AACS: variants seen among roughly 807,000 people sequenced by gnomAD.
AACS encodes the protein acetoacetyl-CoA synthetase, also known as acetoacetate-CoA ligase.
AACS carries 69 observed loss-of-function variants against 83.1 expected under a neutral mutation model. That is an observed-to-expected ratio of 0.83 (90% CI 0.68 to 1.01). The LOEUF is 1.01. AACS is among the 50% of genes least tolerant of loss of function. The pLI, the probability that AACS is intolerant of heterozygous loss-of-function variation, is 0.00. For synonymous variants in AACS, 333 were observed against 343.4 expected (o/e 0.97, Z 0.33); for missense variants, 866 against 882.2 (o/e 0.98, Z 0.23).
Position 125,129,604 on chromosome 12 carries a change from G to A in AACS, c.1549+144G>A. ...CTGCTTATAGTTCATTCCGCCAGTG[G>A]GGGGATAATGAATTTTTGATCAATA... On this transcript the variant is annotated intron_variant, in intron 14 of 17. Coordinates refer to ENST00000316519, the MANE Select transcript of AACS (RefSeq NM_023928.5). The surrounding 1 kb of genome is among the most constrained non-coding windows in gnomAD (Gnocchi z 4.3). The A allele has an allele frequency of 9.3e-7, 1 of 1,073,272 alleles. No individual in the cohort carries two copies. The highest frequency in any genetic ancestry group is 1.3e-6 in the Non-Finnish European group (1 of 756,492). The allele number at this position is 1,073,272 out of a possible 1,614,324, so 66.5% of individuals were successfully genotyped here.
intron 2 of AACS, among the ~76,000 whole-genome samples, chr12:125,076,002 T>G (rs1198484432): frequency 6.6e-6 from 1 of 152,194 alleles, no homozygotes; most frequent in Non-Finnish European, 1.5e-5. Flanking sequence ...AAGTCGAATT[T>G]ATTGTCTCCT....
intron 1 of AACS, among the ~76,000 whole-genome samples, chr12:125,067,899 T>A (rs1339908701): frequency 6.6e-6 from 1 of 152,174 alleles, no homozygotes; most frequent in Non-Finnish European, 1.5e-5. Flanking sequence ...AGTCATTGGA[T>A]CTCTTCATGC....
At chr12:125,075,874 G>A (rs940975182) in intron 2 of AACS, among the ~76,000 whole-genome samples, 1 of 152,228 alleles carries the variant, frequency 6.6e-6, no homozygotes, top group Non-Finnish European at 1.5e-5. Flanking sequence ...TTACAGGCGT[G>A]AGCCACTGCG....
chr12:125,119,466 G>A (rs913568145), intron 10 of AACS, among the ~76,000 whole-genome samples: 1 of 152,208 alleles, frequency 6.6e-6, no homozygotes, highest in Non-Finnish European at 1.5e-5. Flanking sequence ...TAAAGAAAAA[G>A]AGGTTGAATG....
At position 125,130,244 on chromosome 12, in the gene AACS, G is replaced by C. The variant is rs192065027; in HGVS notation, c.1549+784G>C. Reference sequence around the variant, plus strand: ...TTGCCAGGTATCCTTCCTGCCTTGCGTGTTTGCGTTTCACCGTTAAAGCCA... The same window carrying C: ...TTGCCAGGTATCCTTCCTGCCTTGCCTGTTTGCGTTTCACCGTTAAAGCCA... On this transcript the variant is annotated intron_variant, in intron 14 of 17. Transcript: ENST00000316519. The surrounding 1 kb of genome is among the most constrained non-coding windows in gnomAD (Gnocchi z 4.9). 1.3e-5 allele frequency among the ~76,000 whole-genome samples: 2 copies of C among 152,264 alleles called. No homozygotes were observed. The highest frequency in any genetic ancestry group is 1.9e-4 in the East Asian group (1 of 5,202).
chr12:125,103,541 A>G (rs994145145), intron 7 of AACS, among the ~76,000 whole-genome samples: 2 of 78,892 alleles, frequency 2.5e-5, no homozygotes, highest in Non-Finnish European at 7.9e-5. Context: ...GTACATGTGT[A>G]TGTATGGCTA....
In AACS at chr12:125,129,512, C is replaced by T. The variant is rs755060492; in HGVS notation, c.1549+52C>T. On this transcript the variant is annotated intron_variant, in intron 14 of 17. Coordinates refer to ENST00000316519, the MANE Select transcript of AACS (RefSeq NM_023928.5). The surrounding 1 kb of genome is among the most constrained non-coding windows in gnomAD (Gnocchi z 4.3). The stretch of plus-strand genomic sequence containing the variant: ...TGGCCAGCCTCTGCCTTGGCTGGGC[C>T]TTCTGTGTCTAATTCTGTACCATCG... 3.0e-5 allele frequency: 47 copies of T among 1,593,208 alleles called. No homozygotes were observed. Among genetic ancestry groups the T allele is most frequent in the Non-Finnish European group, 4.0e-5 (47 of 1,170,068 alleles).
At position 125,102,412 on chromosome 12, in the gene AACS, A is replaced by T. The variant is rs913207426; in HGVS notation, c.571-267A>T. 1.1e-5 allele frequency: 4 copies of T among 379,212 alleles called. No individual in the cohort carries two copies. In the Admixed American group the frequency reaches 1.1e-4, roughly 11 times the overall value. 23.5% of individuals were successfully genotyped at this position (379,212 alleles called of 1,614,324 possible). A position where few individuals can be genotyped will look rare whatever the true frequency, so the allele number is the denominator to read the frequency against. On this transcript the variant is annotated intron_variant, in intron 5 of 17. Coordinates refer to ENST00000316519, the MANE Select transcript of AACS (RefSeq NM_023928.5). ...ACAGGGACCTGGTCATGCACTGATG[A>T]TGATGCCCTTTCTCTCCCGTGAAAT...
At position 125,129,579 on chromosome 12, in the gene AACS, C is replaced by T. The variant is rs78804268; in HGVS notation, c.1549+119C>T. On this transcript the variant is annotated intron_variant, in intron 14 of 17. Coordinates refer to ENST00000316519, the MANE Select transcript of AACS (RefSeq NM_023928.5). The surrounding 1 kb of genome is among the most constrained non-coding windows in gnomAD (Gnocchi z 4.3). Reference sequence around the variant, plus strand: ...CTTCCCCCACCAGGGCTTGGAGAAGCTGCTTATAGTTCATTCCGCCAGTGG... The same window carrying T: ...CTTCCCCCACCAGGGCTTGGAGAAGTTGCTTATAGTTCATTCCGCCAGTGG... The T allele has an allele frequency of 0.046, 61,542 of 1,325,812 alleles. 1,839 individuals are homozygous for T. Among genetic ancestry groups the T allele is most frequent in the African/African-American group, 0.1 (6,797 of 67,436 alleles). The allele number at this position is 1,325,812 out of a possible 1,614,324, so 82.1% of individuals were successfully genotyped here.
At position 125,136,844 on chromosome 12, in the gene AACS, C is replaced by G; in HGVS notation, c.1861C>G (p.Leu621Val). 1 of 1,613,586 alleles carries G rather than the reference C, an allele frequency of 6.2e-7. No homozygotes were observed. Among genetic ancestry groups the G allele is most frequent in the South Asian group, 1.1e-5 (1 of 91,078 alleles). The change falls in exon 17 of 18, where the codon CTG (leucine) becomes GTG (valine). Residue 621 changes from leucine to valine, a missense_variant. Leu to Val is a conservative substitution (Grantham distance 32). Transcript: ENST00000316519. The part of the protein sequence containing the change: ...LSARHVPSLI[L>V]ETKGIPYTLN... ...TGCGCGACACGTGCCCAGCCTCATC[C>G]TGGAAACCAAGGGCATCCCGGTATG... is the stretch of plus-strand genomic sequence containing the variant.
chr12:125,109,179 T>C (rs1010596805), intron 8 of AACS, among the ~76,000 whole-genome samples: 1 of 152,198 alleles, frequency 6.6e-6, no homozygotes, highest in Admixed American at 6.5e-5. Context: ...TTGTCCAGGC[T>C]GGAGTGCAGT....
chr12:125,103,987 CAAAAAAAAAAAAA>C (rs71092274), intron 7 of AACS, among the ~76,000 whole-genome samples: 1,498 of 41,296 alleles, frequency 0.036, 30 homozygotes, highest in Middle Eastern at 0.15. Flanking sequence ...AACTCCGTCT[CAAAAAAAAAAAAA>C]AAAAAAAAAA....
At chr12:125,137,677 C>T (rs1957419789) in intron 17 of AACS, among the ~76,000 whole-genome samples, 1 of 152,174 alleles carries the variant, frequency 6.6e-6, no homozygotes, top group African/African-American at 2.4e-5. Flanking sequence ...CAAATTGGAT[C>T]ACAGCTTTCA....
rs530310374 is a variant in AACS at position 125,083,934 on chromosome 12, G to A, written c.359-2396G>A. The stretch of plus-strand genomic sequence containing the variant: ...CTCCCAAAGTGCTGGGATTACAGGC[G>A]TGAGCCACCGTGCCCGGCCTAGAAG... On this transcript the variant is annotated intron_variant, in intron 3 of 17. Coordinates refer to ENST00000316519, the MANE Select transcript of AACS (RefSeq NM_023928.5). 1.1e-3 allele frequency among the ~76,000 whole-genome samples: 167 copies of A among 152,232 alleles called. 1 individual carries two copies. Among genetic ancestry groups the A allele is most frequent in the African/African-American group, 3.8e-3 (158 of 41,542 alleles).
intron 5 of AACS, among the ~76,000 whole-genome samples, chr12:125,098,601 G>A (rs144471058): frequency 0.024 from 3,645 of 152,072 alleles, 150 homozygotes; most frequent in African/African-American, 0.082. Flanking sequence ...ACAGGCGTGC[G>A]CCACCACGCC....
intron 1 of AACS, among the ~76,000 whole-genome samples, chr12:125,067,824 G>A (rs1955747107): frequency 6.6e-6 from 1 of 152,158 alleles, no homozygotes; most frequent in African/African-American, 2.4e-5. Context: ...GTGAGCCACC[G>A]TGCTCGGCCG....
chr12:125,072,930 T>G lies in AACS; in HGVS notation c.134-946T>G, dbSNP rs901312293. Among the ~76,000 whole-genome samples, 283 of 141,408 alleles carry G rather than the reference T, an allele frequency of 2.0e-3. 4 individuals are homozygous for G. Among genetic ancestry groups the G allele is most frequent in the African/African-American group, 6.8e-3 (254 of 37,594 alleles). The allele number at this position is 141,408 out of a possible 152,430, so 92.8% of individuals were successfully genotyped here. ...ACCATGTAACTTTTGTTTTTTTTTT[T>G]TTTTTTTTTTTTTTTGAGATGGAGT... On this transcript the variant is annotated intron_variant, in intron 1 of 17. Coordinates refer to ENST00000316519, the MANE Select transcript of AACS (RefSeq NM_023928.5).
intron 8 of AACS, 146 bp downstream of exon 8, chr12:125,107,414 G>T: frequency 8.7e-7 from 1 of 1,147,560 alleles, no homozygotes; most frequent in Non-Finnish European, 1.2e-6. Context: ...CAAGTGGGGT[G>T]CTGCACGGAG....
chr12:125,143,204 A>G lies in AACS; in HGVS notation c.*975A>G, dbSNP rs1450644858. 1 of 152,220 alleles carries G rather than the reference A, an allele frequency of 6.6e-6. No homozygotes were observed. The highest frequency in any genetic ancestry group is 1.9e-4 in the East Asian group (1 of 5,196). The allele number at this position is 152,220 out of a possible 1,614,324, so 9.4% of individuals were successfully genotyped here. A position where few individuals can be genotyped will look rare whatever the true frequency, so the allele number is the denominator to read the frequency against. On this transcript the variant is annotated 3_prime_UTR_variant, in exon 18 of 18. Transcript: ENST00000316519. The stretch of plus-strand genomic sequence containing the variant: ...GATGTCCATTTTTATATTTTTTGAA[A>G]CTGAGCACAATGAAATCCTTTCTTG...
Sources: allele counts gnomAD v4.1 joint callset (sites outside exome capture counted in the v4.1 genomes callset), GRCh38; gene constraint gnomAD v4.1.1; non-coding constraint Gnocchi (gnomAD v3.1); transcripts MANE v1.5; gene names NCBI Gene and HGNC (gene_info 2026-07-23, HGNC 2026-07-21).